The following SENP7 variants were observed in gnomAD, a reference collection of about 807,000 sequenced individuals.
SENP7 encodes the protein sentrin-specific protease 7.
In SENP7, 64 loss-of-function variants were observed where a neutral mutation model predicts 141.2. The ratio of observed to expected loss-of-function variants is 0.45; its 90% CI spans 0.37 to 0.56. The LOEUF (loss-of-function observed/expected upper bound fraction) is 0.56, where lower values mean the gene tolerates loss of function less well. Among genes scored for constraint, SENP7 ranks in the 20% least tolerant of loss-of-function variants. SENP7 has a pLI of 0.00. For missense variants in SENP7, 1,025 were observed against 1,212.2 expected, an observed-to-expected ratio of 0.85 and a Z score of 2.29; for synonymous variants, 382 against 426.4, an observed-to-expected ratio of 0.90 and a Z score of 1.28.
At chr3:101,500,635 C>T (rs1198302164) in intron 2 of SENP7, among the ~76,000 whole-genome samples, 2 of 152,082 alleles carry the variant, frequency 1.3e-5, no homozygotes, top group Non-Finnish European at 2.9e-5. Flanking sequence ...GTTTGTTTTG[C>T]TACTCTTGGC....
At chr3:101,462,659 G>C (rs1435268520) in intron 3 of SENP7, among the ~76,000 whole-genome samples, 9 of 151,816 alleles carry the variant, frequency 5.9e-5, no homozygotes, top group Non-Finnish European at 7.4e-5. Flanking sequence ...CTAGAGGCCA[G>C]GAGTTCGAGA....
intron 17 of SENP7, 32 bp from the exon 18 acceptor site, chr3:101,332,894 A>T: frequency 6.4e-7 from 1 of 1,552,774 alleles, no homozygotes; most frequent in Non-Finnish European, 8.6e-7. Flanking sequence ...TTGATATATA[A>T]AAATTTTTTC....
At chr3:101,378,449 A>G (rs2060400223) in intron 6 of SENP7, among the ~76,000 whole-genome samples, 1 of 152,152 alleles carries the variant, frequency 6.6e-6, no homozygotes, top group African/African-American at 2.4e-5. Context: ...CAGGATATGG[A>G]AAAGGAAAGA....
At chr3:101,358,392 G>A in intron 11 of SENP7, 1 of 470,748 alleles carries the variant, frequency 2.1e-6, no homozygotes, top group South Asian at 1.9e-5. Flanking sequence ...CCCTTAATAA[G>A]CATAAGATAA....
chr3:101,393,700 G>A (rs941513255), intron 6 of SENP7, among the ~76,000 whole-genome samples: 6 of 152,158 alleles, frequency 3.9e-5, no homozygotes, highest in Admixed American at 2.6e-4. Flanking sequence ...AATTTATTTA[G>A]CTCACAGTTA....
At chr3:101,390,726 T>G (rs1576196751) in intron 6 of SENP7, among the ~76,000 whole-genome samples, 1 of 152,140 alleles carries the variant, frequency 6.6e-6, no homozygotes, top group South Asian at 2.1e-4. Context: ...AGTATCAGAC[T>G]TAATCTACAC....
intron 3 of SENP7, among the ~76,000 whole-genome samples, chr3:101,470,630 A>C (rs905603611): frequency 6.6e-6 from 1 of 152,208 alleles, no homozygotes; most frequent in Non-Finnish European, 1.5e-5. Context: ...TATTCAACAT[A>C]GTATTGGAAG....
At chr3:101,369,689 G>A (rs2060127289) in intron 7 of SENP7, among the ~76,000 whole-genome samples, 1 of 152,100 alleles carries the variant, frequency 6.6e-6, no homozygotes, top group Non-Finnish European at 1.5e-5. Flanking sequence ...AATGATTCAT[G>A]AAAGGAAAGG....
intron 3 of SENP7, among the ~76,000 whole-genome samples, chr3:101,493,555 G>T (rs958190680): frequency 6.6e-5 from 10 of 151,832 alleles, no homozygotes; most frequent in African/African-American, 1.9e-4. Flanking sequence ...ACTTAAAATG[G>T]GTCAAGTGCA....
chr3:101,462,244 C>G (rs1261132812), intron 3 of SENP7, among the ~76,000 whole-genome samples: 1 of 152,084 alleles, frequency 6.6e-6, no homozygotes, highest in Admixed American at 6.6e-5. Flanking sequence ...GTAAGAAATA[C>G]AGCATTAAGA....
chr3:101,327,945 T>C lies in SENP7; in HGVS notation c.2865-129A>G, dbSNP rs562063622. On this transcript the variant is annotated intron_variant, in intron 22 of 23. Transcript: ENST00000394095. The stretch of plus-strand genomic sequence containing the variant: ...CAAGCCAAATTTCCACACTGAATTT[T>C]AGCAGTGCAACCTACATTTTATAAG... 2.0e-5 allele frequency: 13 copies of C among 649,910 alleles called. No individual in the cohort carries two copies. In the South Asian group the frequency reaches 2.8e-4, roughly 14 times the overall value. 40.3% of individuals were successfully genotyped at this position (649,910 alleles called of 1,614,324 possible).
chr3:101,434,852 C>T (rs545273891), intron 4 of SENP7, among the ~76,000 whole-genome samples: 24 of 152,174 alleles, frequency 1.6e-4, no homozygotes, highest in African/African-American at 5.8e-4. Flanking sequence ...TAAATAAGAA[C>T]AAATGCCAAT....
chr3:101,358,364 C>A (rs2059800672), intron 11 of SENP7: 2 of 564,890 alleles, frequency 3.5e-6, no homozygotes, highest in African/African-American at 1.9e-5. Flanking sequence ...TGTGGCAAAT[C>A]TTTTAAATGT....
At chr3:101,396,245 G>A (rs935616825) in intron 6 of SENP7, among the ~76,000 whole-genome samples, 1 of 152,068 alleles carries the variant, frequency 6.6e-6, no homozygotes, top group African/African-American at 2.4e-5. Flanking sequence ...AATAGTTTTG[G>A]GGAATGACCA....
chr3:101,472,160 C>A (rs913800641), intron 3 of SENP7, among the ~76,000 whole-genome samples: 4 of 152,106 alleles, frequency 2.6e-5, no homozygotes, highest in African/African-American at 9.7e-5. Flanking sequence ...GGGTATACAC[C>A]CAAAGGATTA....
At chr3:101,437,454 G>T (rs2062434709) in intron 4 of SENP7, among the ~76,000 whole-genome samples, 1 of 152,042 alleles carries the variant, frequency 6.6e-6, no homozygotes, top group Non-Finnish European at 1.5e-5. Context: ...CACATTGCAT[G>T]CCTATATATC....
chr3:101,398,756 GCAC>G, intron 6 of SENP7, 102 bp downstream of exon 6: 1 of 828,584 alleles, frequency 1.2e-6, no homozygotes, highest in Middle Eastern at 3.8e-4. Context: ...AGCTATCAGA[GCAC>G]ATTTACCTCA....
intron 4 of SENP7, among the ~76,000 whole-genome samples, chr3:101,452,841 C>T (rs1419673239): frequency 6.6e-6 from 1 of 152,130 alleles, no homozygotes; most frequent in Non-Finnish European, 1.5e-5. Context: ...AAAGCAATGG[C>T]AACAAAAGCC....
At chr3:101,374,494 G>T (rs578132064) in intron 6 of SENP7, among the ~76,000 whole-genome samples, 1 of 152,044 alleles carries the variant, frequency 6.6e-6, no homozygotes, top group Non-Finnish European at 1.5e-5. Context: ...GGTAGTTGAC[G>T]CCTGTAATCC....
Sources: allele counts gnomAD v4.1 joint callset (sites outside exome capture counted in the v4.1 genomes callset), GRCh38; gene constraint gnomAD v4.1.1; transcripts MANE v1.5; gene names NCBI Gene and HGNC (gene_info 2026-07-23, HGNC 2026-07-21).